ANO1: variants seen among roughly 807,000 people sequenced by gnomAD.
ANO1 encodes the protein anoctamin-1.
Under a neutral mutation model 124.0 loss-of-function variants are expected in ANO1, and 59 were observed. The observed-to-expected ratio is 0.48, with a 90% CI of 0.39 to 0.59. ANO1 has a LOEUF of 0.59. ANO1 is among the 20% of genes least tolerant of loss of function. The pLI, the probability that ANO1 is intolerant of heterozygous loss-of-function variation, is 0.00. For synonymous variants in ANO1, 529 were observed against 532.0 expected, an observed-to-expected ratio of 0.99 and a Z score of 0.08; for missense variants, 1,059 against 1,328.0, an observed-to-expected ratio of 0.80 and a Z score of 3.15.
intron 1 of ANO1, among the ~76,000 whole-genome samples, chr11:70,042,330 G>C (rs1179465687): frequency 6.6e-6 from 1 of 152,178 alleles, no homozygotes; most frequent in Non-Finnish European, 1.5e-5. Flanking sequence ...CCTAGAGGTA[G>C]TTTTCAGGCT....
chr11:70,013,804 A>AAAAAG lies in ANO1; in HGVS notation c.58+27658_58+27662dup, dbSNP rs142729507. On this transcript the variant is annotated intron_variant, in intron 1 of 27. Transcript: ENST00000531349. ...GTGACAGAGTGAGCCTCCATCTAAA[A>AAAAAG]AAAAGAAAAGAAAAGAAAAGAAAAA... Among the ~76,000 whole-genome samples the AAAAAG allele has an allele frequency of 3.1e-3, 406 of 130,506 alleles. 16 individuals carry two copies. Among genetic ancestry groups the AAAAAG allele is most frequent in the African/African-American group, 9.8e-3 (325 of 33,048 alleles). 85.6% of individuals were successfully genotyped at this position (130,506 alleles called of 152,430 possible). A position where few individuals can be genotyped will look rare whatever the true frequency, so the allele number is the denominator to read the frequency against.
At chr11:69,988,286 T>G (rs1427449075) in intron 1 of ANO1, among the ~76,000 whole-genome samples, 1 of 152,190 alleles carries the variant, frequency 6.6e-6, no homozygotes, top group Non-Finnish European at 1.5e-5. Flanking sequence ...GAAGCACTTA[T>G]CTTGTGAAGT....
At chr11:70,132,483 G>C (rs915228838) in intron 11 of ANO1, among the ~76,000 whole-genome samples, 2 of 152,150 alleles carry the variant, frequency 1.3e-5, no homozygotes, top group Admixed American at 1.3e-4. Context: ...CGGAGGCACC[G>C]TGTCTCACTA....
In ANO1 at chr11:70,058,325, G is replaced by C. The variant is rs145415218; in HGVS notation, c.59-20217G>C. ...AGTTTTTTTATGTTGTCATATACTAGGCCAGATTGATTTAGGTAAAAACAA... is the reference window on the plus strand; with the variant it reads ...AGTTTTTTTATGTTGTCATATACTACGCCAGATTGATTTAGGTAAAAACAA... On this transcript the variant is annotated intron_variant, in intron 1 of 27. Transcript: ENST00000531349. 5.8e-3 allele frequency among the ~76,000 whole-genome samples: 882 copies of C among 152,196 alleles called. 3 individuals are homozygous for C. The highest frequency in any genetic ancestry group is 9.3e-3 in the Non-Finnish European group (633 of 68,012).
At chr11:70,184,110 G>T (rs2049023029) in intron 24 of ANO1, among the ~76,000 whole-genome samples, 1 of 152,224 alleles carries the variant, frequency 6.6e-6, no homozygotes, top group African/African-American at 2.4e-5. Flanking sequence ...GGCACAAACG[G>T]CCCCTGAGCC....
intron 1 of ANO1, among the ~76,000 whole-genome samples, chr11:69,988,730 C>CAATATACTTATTAA (rs1856095263): frequency 6.6e-6 from 1 of 152,196 alleles, no homozygotes; most frequent in Non-Finnish European, 1.5e-5. Context: ...GTGGTCTGAA[C>CAATATACTTATTAA]CTCCCACAAG....
At chr11:70,076,431 C>A (rs2044057846), upstream of ANO1, among the ~76,000 whole-genome samples, 1 of 151,830 alleles carries the variant, frequency 6.6e-6, no homozygotes, top group Non-Finnish European at 1.5e-5. Flanking sequence ...TATATTTTTA[C>A]TCTTTTTTTT....
intron 25 of ANO1, among the ~76,000 whole-genome samples, chr11:70,186,964 G>C (rs151107956): frequency 0.016 from 2,475 of 152,340 alleles, 31 homozygotes; most frequent in Non-Finnish European, 0.025. Context: ...CTTATCCCAA[G>C]GGAGCCCCGG....
At chr11:70,144,089 C>G (rs1417217344) in intron 11 of ANO1, among the ~76,000 whole-genome samples, 1 of 152,080 alleles carries the variant, frequency 6.6e-6, no homozygotes, top group Non-Finnish European at 1.5e-5. Flanking sequence ...GGCTCCTCCA[C>G]TGCTCCAGAG....
intron 22 of ANO1, among the ~76,000 whole-genome samples, chr11:70,174,908 AAAAAGAAAAGAAAAAAG>A (rs963898191): frequency 2.3e-5 from 3 of 127,780 alleles, no homozygotes; most frequent in African/African-American, 3.0e-5. Flanking sequence ...GTACAGCTAA[AAAAAGAAAAGAAAAAAG>A]AAAAGAAAAG....
chr11:70,027,252 C>G (rs1309742636), intron 1 of ANO1, among the ~76,000 whole-genome samples: 1 of 152,172 alleles, frequency 6.6e-6, no homozygotes, highest in Non-Finnish European at 1.5e-5. Context: ...CCTAACCCAC[C>G]AAACATCCTA....
intron 2 of ANO1, among the ~76,000 whole-genome samples, chr11:70,093,422 A>G (rs1464743862): frequency 6.6e-6 from 1 of 152,076 alleles, no homozygotes; most frequent in Non-Finnish European, 1.5e-5. Context: ...TTTTCTTGCA[A>G]CTAAGACCCA....
intron 1 of ANO1, among the ~76,000 whole-genome samples, chr11:70,005,592 C>T (rs1297579570): frequency 2.0e-5 from 3 of 152,128 alleles, no homozygotes; most frequent in African/African-American, 7.2e-5. Context: ...TTTATTTATT[C>T]GATGAATAGC....
At chr11:70,013,054 C>A (rs150622499) in intron 1 of ANO1, among the ~76,000 whole-genome samples, 47 of 152,268 alleles carry the variant, frequency 3.1e-4, no homozygotes, top group African/African-American at 1.1e-3. Context: ...GGGATCTGAC[C>A]CAATGTGGGA....
chr11:70,088,817 G>C (rs182914859), intron 2 of ANO1, among the ~76,000 whole-genome samples: 1 of 152,360 alleles, frequency 6.6e-6, no homozygotes, highest in Non-Finnish European at 1.5e-5. Flanking sequence ...TCTGTAGAGT[G>C]AGATGTGGGT....
intron 22 of ANO1, among the ~76,000 whole-genome samples, chr11:70,177,068 TCTCATCCCCGC>T (rs2135805950): frequency 6.6e-6 from 1 of 152,270 alleles, no homozygotes; most frequent in South Asian, 2.1e-4. Context: ...CCCGGCTCCA[TCTCATCCCCGC>T]CTCATCCCTC....
At chr11:70,099,194 G>T (rs1423492425) in intron 2 of ANO1, among the ~76,000 whole-genome samples, 1 of 152,184 alleles carries the variant, frequency 6.6e-6, no homozygotes, top group Admixed American at 6.5e-5. Flanking sequence ...GGCGCTGGCT[G>T]GGGGCGAAGG....
rs11418881 is a variant in ANO1, at chr11:70,150,766, T to TA, written c.1341+984dup. 9.0e-3 allele frequency among the ~76,000 whole-genome samples: 1,341 copies of TA among 149,402 alleles called. 20 individuals carry two copies. Among genetic ancestry groups the TA allele is most frequent in the African/African-American group, 0.029 (1,166 of 40,812 alleles). ...TGCCCAGGCTACACATGCTCCCTTT[T>TA]AAAAAAAAAAGAACTTTTTCATGCA... On this transcript the variant is annotated intron_variant, in intron 12 of 25. Transcript: ENST00000355303.
chr11:70,119,631 G>A (rs1347176897), intron 8 of ANO1, among the ~76,000 whole-genome samples: 1 of 151,254 alleles, frequency 6.6e-6, no homozygotes. Flanking sequence ...AATGAATGAT[G>A]GATGACGGGT....
Sources: gnomAD v4.1 joint callset for allele counts (sites outside exome capture counted in the v4.1 genomes callset) on GRCh38, gnomAD v4.1.1 for gene constraint, MANE v1.5 for transcripts, NCBI Gene and HGNC (gene_info 2026-07-23, HGNC 2026-07-21) for gene names.